The following BRF1 variants were observed in gnomAD, a reference collection of about 807,000 sequenced individuals.
BRF1 encodes BRF1 general transcription factor IIIB subunit.
Under a neutral mutation model 81.7 loss-of-function variants are expected in BRF1, and 59 were observed. That is an observed-to-expected ratio of 0.72 (90% CI 0.59 to 0.90). BRF1 has a LOEUF of 0.90. Ranked by LOEUF, BRF1 falls within the 40% of genes least tolerant of loss-of-function variation. BRF1 has a pLI of 0.00. For missense variants in BRF1, 1,050 were observed against 936.3 expected (o/e 1.12, Z -1.58); for synonymous variants, 491 against 395.6 (o/e 1.24, Z -2.86).
Position 105,210,599 on chromosome 14 carries a change from GCA to G in BRF1, c.1997-13_1997-12del, listed in dbSNP as rs1230726422. On this transcript the variant is annotated splice_polypyrimidine_tract_variant and intron_variant, in intron 17 of 17. Coordinates refer to ENST00000547530, the MANE Select transcript of BRF1 (RefSeq NM_001519.4). This position sits in a 1 kb window ranked among gnomAD's most constrained non-coding sequence, Gnocchi z 4.7. The stretch of plus-strand genomic sequence containing the variant: ...CATCACAGCCATAGTCTGCAGAAGA[GCA>G]CAGTCATGAAGCCCAGGGTCTCTGT... 5 of 1,611,068 alleles carry G rather than the reference GCA, an allele frequency of 3.1e-6. No individual in the cohort carries two copies. Among genetic ancestry groups the G allele is most frequent in the Admixed American group, 3.3e-5 (2 of 59,972 alleles).
chr14:105,307,478 G>T (rs2058223748), intron 1 of BRF1, among the ~76,000 whole-genome samples: 1 of 152,076 alleles, frequency 6.6e-6, no homozygotes, highest in African/African-American at 2.4e-5. Flanking sequence ...ACTGGCCCTG[G>T]GTGCTTCCCC....
At chr14:105,212,217 C>A (rs2141353058) in intron 15 of BRF1, 53 bp from the exon 16 acceptor site, 1 of 1,575,060 alleles carries the variant, frequency 6.3e-7, no homozygotes, top group African/African-American at 1.3e-5. Flanking sequence ...CGAACGCCTG[C>A]CCACTTGTTC....
At chr14:105,240,863 G>C (rs924064778) in intron 6 of BRF1, among the ~76,000 whole-genome samples, 3 of 139,142 alleles carry the variant, frequency 2.2e-5, no homozygotes, top group South Asian at 2.5e-4. Flanking sequence ...AGCTGGGGGC[G>C]GGGGACAGCC....
chr14:105,250,373 G>C, intron 5 of BRF1: 1 of 1,613,796 alleles, frequency 6.2e-7, no homozygotes, highest in South Asian at 1.1e-5. Flanking sequence ...TGAGTACAGC[G>C]TGAAGATTGA....
intron 12 of BRF1, chr14:105,219,825 A>C: frequency 1.7e-6 from 1 of 573,020 alleles, no homozygotes; most frequent in South Asian, 2.1e-5. Context: ...CTATGTGCCG[A>C]GGGCCGCAAG....
At chr14:105,291,432 T>A (rs2057505469) in intron 1 of BRF1, among the ~76,000 whole-genome samples, 1 of 152,218 alleles carries the variant, frequency 6.6e-6, no homozygotes, top group African/African-American at 2.4e-5. Flanking sequence ...TCTCGGCATT[T>A]TGGGAGGCCG....
At chr14:105,302,157 AAG>A (rs1453744582), upstream of BRF1, among the ~76,000 whole-genome samples, 15 of 151,252 alleles carry the variant, frequency 9.9e-5, 1 homozygote, top group Non-Finnish European at 8.8e-5. Context: ...AAAAAAAAAA[AAG>A]AGAAAAAAGG....
intron 5 of BRF1, among the ~76,000 whole-genome samples, chr14:105,244,300 C>G (rs1316371974): frequency 6.6e-6 from 1 of 151,962 alleles, no homozygotes; most frequent in Non-Finnish European, 1.5e-5. Context: ...AAAATTTAGC[C>G]TAGTGTAGTG....
At chr14:105,243,105 G>A (rs1401441850) in intron 5 of BRF1, among the ~76,000 whole-genome samples, 3 of 148,776 alleles carry the variant, frequency 2.0e-5, no homozygotes, top group Non-Finnish European at 4.5e-5. Context: ...GACAGAGTGA[G>A]ACTCTGTCTC....
At chr14:105,314,111 A>C (rs2058438290) in intron 1 of BRF1, among the ~76,000 whole-genome samples, 1 of 152,106 alleles carries the variant, frequency 6.6e-6, no homozygotes, top group Non-Finnish European at 1.5e-5. Context: ...AGTGGCTTCG[A>C]GTCCCCGCGA....
rs116481945 is a variant in BRF1 at position 105,251,116 on chromosome 14, C to T, written c.544+1391G>A. 2.9e-3 allele frequency: 566 copies of T among 193,726 alleles called. 1 individual carries two copies. Among genetic ancestry groups the T allele is most frequent in the African/African-American group, 0.013 (539 of 42,550 alleles). 12.0% of individuals were successfully genotyped at this position (193,726 alleles called of 1,614,324 possible). On this transcript the variant is annotated intron_variant, in intron 5 of 17. Coordinates refer to ENST00000547530, the MANE Select transcript of BRF1 (RefSeq NM_001519.4). ...ACACCCACGTGTCAGTAAATGACTA[C>T]AGCAGTTGTACAGTGGGGTATTCTC...
chr14:105,303,165 G>A (rs150615090), upstream of BRF1, among the ~76,000 whole-genome samples: 503 of 152,290 alleles, frequency 3.3e-3, 3 homozygotes, highest in East Asian at 0.015. Flanking sequence ...CTGACCTCAA[G>A]TGATCCACCT....
chr14:105,250,676 G>A (rs1485623454), intron 5 of BRF1: 4 of 1,599,874 alleles, frequency 2.5e-6, no homozygotes, highest in Admixed American at 1.7e-5. Flanking sequence ...TGCCTGAGGT[G>A]CCCGGGGAGG....
intron 5 of BRF1, chr14:105,250,812 GAC>G: frequency 3.2e-6 from 3 of 926,666 alleles, no homozygotes; most frequent in Non-Finnish European, 4.8e-6. Context: ...ACTGTGTAGA[GAC>G]ATTTTCCACA....
At chr14:105,312,811 G>A (rs903913002) in intron 1 of BRF1, among the ~76,000 whole-genome samples, 4 of 152,176 alleles carry the variant, frequency 2.6e-5, no homozygotes, top group South Asian at 2.1e-4. Context: ...AAACATAAAC[G>A]TGGTCGCAGG....
chr14:105,247,605 T>C, intron 5 of BRF1: 1 of 985,196 alleles, frequency 1.0e-6, no homozygotes, highest in Non-Finnish European at 1.2e-6. Flanking sequence ...ACAGAGCTCC[T>C]GTTCACTGTT....
At chr14:105,243,272 C>G (rs773834414) in intron 5 of BRF1, among the ~76,000 whole-genome samples, 154 of 142,156 alleles carry the variant, frequency 1.1e-3, no homozygotes, top group Non-Finnish European at 1.7e-3. Context: ...GAAACCCAGT[C>G]TTTACTAAAA....
chr14:105,251,487 C>G (rs2055612151), intron 5 of BRF1, among the ~76,000 whole-genome samples: 2 of 152,216 alleles, frequency 1.3e-5, no homozygotes, highest in African/African-American at 4.8e-5. Flanking sequence ...CACCCCTTGT[C>G]TCTCTCCTCC....
intron 6 of BRF1, among the ~76,000 whole-genome samples, chr14:105,229,222 A>G (rs778456997): frequency 5.4e-4 from 82 of 152,222 alleles, no homozygotes; most frequent in Non-Finnish European, 1.0e-3. Context: ...TGCGGGAAAC[A>G]CAGCTTGTGA....
Sources: allele counts gnomAD v4.1 joint callset (sites outside exome capture counted in the v4.1 genomes callset), GRCh38; gene constraint gnomAD v4.1.1; non-coding constraint Gnocchi (gnomAD v3.1); transcripts MANE v1.5; gene names NCBI Gene and HGNC (gene_info 2026-07-23, HGNC 2026-07-21).